The following ANKRD62 variants were observed in gnomAD, a reference collection of about 807,000 sequenced individuals.
ANKRD62 encodes ankyrin repeat domain-containing protein 62.
ANKRD62 carries 61 observed loss-of-function variants against 98.8 expected under a neutral mutation model. The observed-to-expected ratio is 0.62, with a 90% CI of 0.50 to 0.76. The LOEUF (loss-of-function observed/expected upper bound fraction) is 0.76. ANKRD62 is among the 30% of genes least tolerant of loss of function. The pLI is 0.00. For synonymous variants in ANKRD62, 341 were observed against 367.9 expected (o/e 0.93, Z 0.84); for missense variants, 933 against 1,082.9 (o/e 0.86, Z 1.94).
Position 12,097,684 on chromosome 18 carries a change from T to C in ANKRD62, c.659T>C (p.Val220Ala), listed in dbSNP as rs771738589. ...LAARNGSTSV[V>A]YQLLQHNIDV... ...GCTCGTAATGGATCAACAAGTGTAG[T>C]CTACCAGCTTCTTCAGCACAATATT... The change falls in exon 5 of 14, where the codon GTC becomes GCC. Residue 220 changes from valine to alanine, a missense_variant. Physicochemically the swap from Val to Ala is moderately conservative, Grantham distance 64. This residue lies in a region of ANKRD62 where 549 missense variants were observed against 587.9 expected (regional missense o/e 0.93). Coordinates refer to ENST00000587848, the MANE Select transcript of ANKRD62 (RefSeq NM_001277333.2). 1.8e-5 allele frequency: 27 copies of C among 1,535,948 alleles called. No individual in the cohort carries two copies. The highest frequency in any genetic ancestry group is 2.4e-5 in the Non-Finnish European group (27 of 1,146,796).
At chr18:12,165,172 A>G in the ANKRD62 span, among the ~76,000 whole-genome samples, 2 of 151,884 alleles carry the variant, frequency 1.3e-5, no homozygotes, top group African/African-American at 2.4e-5. Context: ...ATCTTTATAG[A>G]TAAAGTGTGC....
At chr18:12,161,498 T>A in the ANKRD62 span, among the ~76,000 whole-genome samples, 1 of 152,022 alleles carries the variant, frequency 6.6e-6, no homozygotes, top group Admixed American at 6.6e-5. Flanking sequence ...GAATGGGGTA[T>A]CCATCTTCTC....
chr18:12,179,176 G>A, the ANKRD62 span, among the ~76,000 whole-genome samples: 1 of 148,778 alleles, frequency 6.7e-6, no homozygotes. Context: ...GAGTTGAGGA[G>A]TGAATCAGAG....
At chr18:12,136,619 A>G in the ANKRD62 span, among the ~76,000 whole-genome samples, 5 of 152,180 alleles carry the variant, frequency 3.3e-5, no homozygotes, top group East Asian at 5.8e-4. Flanking sequence ...CATTGAATCT[A>G]TAAATTACCT....
the ANKRD62 span, among the ~76,000 whole-genome samples, chr18:12,154,254 G>A: frequency 6.6e-6 from 1 of 151,996 alleles, no homozygotes; most frequent in African/African-American, 2.4e-5. Flanking sequence ...AAATTTACAA[G>A]AGAGAACAAG....
At chr18:12,170,237 G>T in the ANKRD62 span, among the ~76,000 whole-genome samples, 1 of 152,124 alleles carries the variant, frequency 6.6e-6, no homozygotes, top group Non-Finnish European at 1.5e-5. Flanking sequence ...GTCAATTTTA[G>T]ATCTTTCCTG....
chr18:12,136,351 T>C, the ANKRD62 span, among the ~76,000 whole-genome samples: 1 of 152,146 alleles, frequency 6.6e-6, no homozygotes, highest in African/African-American at 2.4e-5. Flanking sequence ...ATCAGATAGT[T>C]GTAGATATGT....
intron 10 of ANKRD62, among the ~76,000 whole-genome samples, chr18:12,117,504 A>G (rs12969917): frequency 0.61 from 93,242 of 152,092 alleles, 29,039 homozygotes; most frequent in Middle Eastern, 0.76. Flanking sequence ...ACAATGCTGC[A>G]TAAAAGCAGT....
intron 6 of ANKRD62, chr18:12,102,752 T>G (rs1241114173): frequency 4.0e-6 from 4 of 1,002,514 alleles, no homozygotes; most frequent in Non-Finnish European, 4.8e-6. Context: ...TGGAAGTTAC[T>G]CATAATAAGA....
the ANKRD62 span, among the ~76,000 whole-genome samples, chr18:12,158,282 T>C: frequency 6.6e-6 from 1 of 152,238 alleles, no homozygotes; most frequent in Non-Finnish European, 1.5e-5. Context: ...CTGGTCATTG[T>C]GGCTTTGGTG....
chr18:12,140,638 A>G, the ANKRD62 span, among the ~76,000 whole-genome samples: 1 of 152,186 alleles, frequency 6.6e-6, no homozygotes, highest in East Asian at 1.9e-4. Context: ...CCTGGGTATC[A>G]GCAGCGGTGG....
At chr18:12,106,174 A>G (rs1405987382) in intron 7 of ANKRD62, among the ~76,000 whole-genome samples, 1 of 152,174 alleles carries the variant, frequency 6.6e-6, no homozygotes, top group East Asian at 1.9e-4. Context: ...ATCTCCACCT[A>G]TTTTTTAATC....
chr18:12,167,130 TA>T, the ANKRD62 span, among the ~76,000 whole-genome samples: 1 of 151,602 alleles, frequency 6.6e-6, no homozygotes, highest in East Asian at 2.0e-4. Context: ...CTAAGTTTTT[TA>T]AATTTTATTT....
At chr18:12,134,329 T>C (rs1910047733), downstream of ANKRD62, among the ~76,000 whole-genome samples, 1 of 152,226 alleles carries the variant, frequency 6.6e-6, no homozygotes, top group African/African-American at 2.4e-5. Flanking sequence ...GCAGTGTTTG[T>C]CCCTATTGAC....
At chr18:12,119,346 CT>C (rs56255574) in intron 10 of ANKRD62, among the ~76,000 whole-genome samples, 101,498 of 132,380 alleles carry the variant, frequency 0.77, 39,388 homozygotes, top group Middle Eastern at 0.9. Flanking sequence ...TGATCTTCTT[CT>C]TTTTTTTTTT....
Position 12,126,155 on chromosome 18 carries a change from A to G in ANKRD62, c.2334A>G (p.Gln778=). The G allele has an allele frequency of 2.6e-6, 4 of 1,536,114 alleles. No individual in the cohort carries two copies. Among genetic ancestry groups the G allele is most frequent in the Non-Finnish European group, 3.5e-6 (4 of 1,146,872 alleles). Residue 778 remains glutamine (Q), a synonymous_variant, in exon 13 of 14, where the codon CAA becomes CAG. Coordinates refer to ENST00000587848, the MANE Select transcript of ANKRD62 (RefSeq NM_001277333.2). ...AATCTGTAGAGGATGGACTATTTCA[A>G]CTACAAAGCCAAAATCTGTTGTATC... ...KQQSVEDGLF[Q]LQSQNLLYQQ...
At position 12,095,203 on chromosome 18, in the gene ANKRD62, G is replaced by T; in HGVS notation, c.251G>T (p.Arg84Leu). 6.5e-7 allele frequency: 1 copy of T among 1,536,866 alleles called. No individual in the cohort carries two copies. ...TALLLACAHGRPGVVADLVAR... is the reference protein window; with the variant it reads ...TALLLACAHGLPGVVADLVAR... ...CTACTTTTGGCGTGTGCCCATGGCCGTCCAGGAGTGGTAGCTGACCTGGTG... is the reference window on the plus strand; with the variant it reads ...CTACTTTTGGCGTGTGCCCATGGCCTTCCAGGAGTGGTAGCTGACCTGGTG... Residue 84 changes from arginine to leucine, a missense_variant, in exon 2 of 14, where the codon CGT becomes CTT. Physicochemically the swap from Arg to Leu is moderately radical, Grantham distance 102 (BLOSUM62 -2). Coordinates refer to ENST00000587848, the MANE Select transcript of ANKRD62 (RefSeq NM_001277333.2).
intron 6 of ANKRD62, among the ~76,000 whole-genome samples, chr18:12,099,984 TAG>T (rs1909264515): frequency 6.6e-6 from 1 of 152,174 alleles, no homozygotes; most frequent in African/African-American, 2.4e-5. Flanking sequence ...GTTTTCTTTA[TAG>T]TCACCTTATG....
At chr18:12,113,247 A>G (rs1392398126) in intron 8 of ANKRD62, among the ~76,000 whole-genome samples, 1 of 152,210 alleles carries the variant, frequency 6.6e-6, no homozygotes, top group Admixed American at 6.5e-5. Flanking sequence ...AAACATGGAA[A>G]AAAAGCTCAA....
Sources: allele counts gnomAD v4.1 joint callset (sites outside exome capture counted in the v4.1 genomes callset), GRCh38; gene constraint gnomAD v4.1.1; regional missense constraint gnomAD v4.1.1; transcripts MANE v1.5; gene names NCBI Gene and HGNC (gene_info 2026-07-23, HGNC 2026-07-21).